Variants in TECTA observed in about 807,000 individuals in gnomAD.
TECTA encodes alpha-tectorin.
A neutral mutation model predicts 216.8 loss-of-function variants in TECTA; 128 were observed. The observed-to-expected ratio is 0.59, with a 90% CI of 0.51 to 0.68. The LOEUF (loss-of-function observed/expected upper bound fraction) is 0.68, where lower values mean the gene tolerates loss of function less well. Ranked by LOEUF, TECTA falls within the 30% of genes least tolerant of loss-of-function variation. The pLI is 0.00. For synonymous variants in TECTA, 1,089 were observed against 1,117.1 expected, an observed-to-expected ratio of 0.97 and a Z score of 0.50; for missense variants, 2,551 against 2,786.2, an observed-to-expected ratio of 0.92 and a Z score of 1.90.
chr11:121,124,452 G>C (rs1386772188), intron 7 of TECTA, among the ~76,000 whole-genome samples: 1 of 151,838 alleles, frequency 6.6e-6, no homozygotes, highest in Non-Finnish European at 1.5e-5. Flanking sequence ...CTCTTCCTTT[G>C]GCCACTTCTG....
At chr11:121,134,329 A>ACACACACACACACACACACG (rs1337054517) in intron 10 of TECTA, among the ~76,000 whole-genome samples, 50 of 151,196 alleles carry the variant, frequency 3.3e-4, no homozygotes, top group Non-Finnish European at 1.8e-4. Flanking sequence ...CCAACACCAC[A>ACACACACACACACACACACG]CACACACACA....
intron 20 of TECTA, among the ~76,000 whole-genome samples, chr11:121,181,469 A>ATTATTATTATTATTATTATTATTC (rs1947228356): frequency 1.3e-5 from 2 of 150,472 alleles, no homozygotes; most frequent in South Asian, 4.2e-4. Context: ...TATTATTATT[A>ATTATTATTATTATTATTATTATTC]TTATGATTTT....
At position 121,127,803 on chromosome 11, in the gene TECTA, G is replaced by C; in HGVS notation, c.1826G>C (p.Ser609Thr). 2 of 1,614,194 alleles carry C rather than the reference G, an allele frequency of 1.2e-6. No homozygotes were observed. Among genetic ancestry groups the C allele is most frequent in the Non-Finnish European group, 1.7e-6 (2 of 1,180,044 alleles). Reference protein sequence around the residue: ...SFSHYSVCTSSCPDTCSDLTA... With the variant: ...SFSHYSVCTSTCPDTCSDLTA... ...AGCCACTACTCCGTGTGCACAAGCA[G>C]CTGCCCCGACACATGCTCCGACCTG... Residue 609 changes from serine to threonine, a missense_variant, in exon 9 of 24, where the codon AGC becomes ACC. Transcript: ENST00000392793. This position sits in a 1 kb window ranked among gnomAD's most constrained non-coding sequence, Gnocchi z 5.0.
rs781310477 is a variant in TECTA, at chr11:121,125,257, C to G, written c.1204-45C>G. On this transcript the variant is annotated intron_variant, in intron 7 of 23. Transcript: ENST00000392793. Reference sequence around the variant, plus strand: ...CCTGATCTCTGCTGGAACCCAGTGCCTGGGCACCTGCTCACCTGCCTTTCA... The same window carrying G: ...CCTGATCTCTGCTGGAACCCAGTGCGTGGGCACCTGCTCACCTGCCTTTCA... 1.9e-6 allele frequency: 3 copies of G among 1,589,920 alleles called. No homozygotes were observed. The South Asian group carries it at 3.3e-5, about 18-fold the overall frequency.
At chr11:121,121,103 C>G (rs1591441086) in intron 7 of TECTA, among the ~76,000 whole-genome samples, 1 of 152,318 alleles carries the variant, frequency 6.6e-6, no homozygotes, top group Middle Eastern at 3.4e-3. Flanking sequence ...GCAAGTCACA[C>G]CAGCCCCCAT....
chr11:121,104,854 G>T (rs989195192), intron 2 of TECTA, among the ~76,000 whole-genome samples: 7 of 151,800 alleles, frequency 4.6e-5, no homozygotes, highest in African/African-American at 1.7e-4. Context: ...GAAATTTAAA[G>T]AAAGGAAAAA....
At chr11:121,165,202 T>C in intron 16 of TECTA, 71 bp from the exon 17 acceptor site, 1 of 1,443,980 alleles carries the variant, frequency 6.9e-7, no homozygotes, top group Non-Finnish European at 9.5e-7. Context: ...AAGTCTGGAG[T>C]GGAACCAAAA....
chr11:121,109,164 T>C (rs377692716), intron 3 of TECTA, 47 bp from the exon 4 acceptor site: 353 of 1,604,950 alleles, frequency 2.2e-4, no homozygotes, highest in Non-Finnish European at 2.9e-4. Context: ...ACTCTGAAGT[T>C]GTTATGGTTT....
At chr11:121,121,145 T>C (rs1946554502) in intron 7 of TECTA, among the ~76,000 whole-genome samples, 1 of 152,106 alleles carries the variant, frequency 6.6e-6, no homozygotes, top group African/African-American at 2.4e-5. Flanking sequence ...AAGGAGAAAA[T>C]GATAAGGACC....
chr11:121,102,866 C>G (rs746066900), intron 2 of TECTA, 137 bp downstream of exon 2: 1 of 797,506 alleles, frequency 1.3e-6, no homozygotes, highest in Non-Finnish European at 2.2e-6. Context: ...TAATTAAATT[C>G]TATTATCAAG....
chr11:121,102,544 T>C, intron 1 of TECTA, 121 bp from the exon 2 acceptor site: 2 of 781,460 alleles, frequency 2.6e-6, no homozygotes, highest in South Asian at 2.8e-5. Flanking sequence ...GTTGATGTTG[T>C]TATGTGAATT....
intron 6 of TECTA, among the ~76,000 whole-genome samples, chr11:121,116,487 G>A (rs551535539): frequency 3.3e-5 from 5 of 152,352 alleles, no homozygotes; most frequent in African/African-American, 1.2e-4. Flanking sequence ...GAGCTGCGGA[G>A]TTGGTCAGAT....
At chr11:121,136,452 C>T (rs960348593) in intron 10 of TECTA, among the ~76,000 whole-genome samples, 1 of 151,832 alleles carries the variant, frequency 6.6e-6, no homozygotes, top group African/African-American at 2.4e-5. Flanking sequence ...CCAGAGGGCA[C>T]CAGGAACAGA....
rs577398615 is a variant in TECTA at position 121,130,987 on chromosome 11, G to A, written c.2941+776G>A. Among the ~76,000 whole-genome samples, 80 of 148,968 alleles carry A rather than the reference G, an allele frequency of 5.4e-4. 1 individual carries two copies. Among genetic ancestry groups the A allele is most frequent in the African/African-American group, 1.8e-3 (71 of 38,428 alleles). Reference sequence around the variant, plus strand: ...CCCAGCACTTTGGGAGGCAAAGGCAGGTGGATCACGAGGTCAGGAGATCGA... The same window carrying A: ...CCCAGCACTTTGGGAGGCAAAGGCAAGTGGATCACGAGGTCAGGAGATCGA... On this transcript the variant is annotated intron_variant, in intron 10 of 23. Coordinates refer to ENST00000392793, the MANE Select transcript of TECTA (RefSeq NM_005422.4).
At position 121,137,910 on chromosome 11, in the gene TECTA, C is replaced by T. The variant is rs761374304; in HGVS notation, c.3431C>T (p.Thr1144Ile). ...GACTCTTTCCCCAAGTTTGTTGTCA[C>T]AGCCAAGAATGAGGACCGGGACCCG... Reference protein sequence around the residue: ...SSDSFPKFVVTAKNEDRDPSL... With the variant: ...SSDSFPKFVVIAKNEDRDPSL... The change falls in exon 11 of 24, where the codon ACA becomes ATA. Residue 1144 changes from threonine (T) to isoleucine (I), a missense_variant. This residue lies in a region of TECTA where 2,375 missense variants were observed against 2,563.9 expected (regional missense o/e 0.93). Transcript: ENST00000392793. 6.2e-7 allele frequency: 1 copy of T among 1,602,824 alleles called. No individual in the cohort carries two copies. Among genetic ancestry groups the T allele is most frequent in the East Asian group, 2.2e-5 (1 of 44,532 alleles).
chr11:121,110,395 A>C (rs1946431245), intron 4 of TECTA: 1 of 152,194 alleles, frequency 6.6e-6, no homozygotes. Context: ...GGAGGGGTGG[A>C]ACAAAAACGA....
chr11:121,105,814 A>G lies in TECTA; in HGVS notation c.65-17A>G. Reference sequence around the variant, plus strand: ...AGAGGGAGCTGCCATCTATCTAACCATCATCTCTCTTGACAGCTCAGCCCA... The same window carrying G: ...AGAGGGAGCTGCCATCTATCTAACCGTCATCTCTCTTGACAGCTCAGCCCA... On this transcript the variant is annotated splice_polypyrimidine_tract_variant and intron_variant, in intron 2 of 23. Transcript: ENST00000392793. This position sits in a 1 kb window ranked among gnomAD's most constrained non-coding sequence, Gnocchi z 5.3. 6.2e-7 allele frequency: 1 copy of G among 1,614,068 alleles called. No homozygotes were observed. The highest frequency in any genetic ancestry group is 1.1e-5 in the South Asian group (1 of 91,076).
At position 121,125,844 on chromosome 11, in the gene TECTA, T is replaced by C. The variant is rs760720812; in HGVS notation, c.1746T>C (p.Ile582=). 1 of 1,611,686 alleles carries C rather than the reference T, an allele frequency of 6.2e-7. No individual in the cohort carries two copies. The highest frequency in any genetic ancestry group is 2.2e-5 in the East Asian group (1 of 44,880). ...ALVCQALGIP[I]GDWRTQTGCV... is the part of the protein sequence containing the mutation. ...TGTGCCAAGCCCTTGGCATTCCAAT[T>C]GGAGACTGGCGAACCCAGACTGGGT... Residue 582 remains isoleucine (I), a synonymous_variant, in exon 8 of 24, where the codon ATT becomes ATC. Coordinates refer to ENST00000392793, the MANE Select transcript of TECTA (RefSeq NM_005422.4).
intron 18 of TECTA, among the ~76,000 whole-genome samples, chr11:121,167,088 T>C (rs879360694): frequency 6.6e-6 from 1 of 152,186 alleles, no homozygotes; most frequent in Non-Finnish European, 1.5e-5. Context: ...GGCAAATACA[T>C]ATAGGCTTAG....
Sources: gnomAD v4.1 joint callset for allele counts (sites outside exome capture counted in the v4.1 genomes callset) on GRCh38, gnomAD v4.1.1 for gene constraint, gnomAD v4.1.1 regional missense constraint, Gnocchi (gnomAD v3.1) non-coding constraint, MANE v1.5 for transcripts, NCBI Gene and HGNC (gene_info 2026-07-23, HGNC 2026-07-21) for gene names.